Variants in TTC1 observed in about 807,000 individuals in gnomAD.
The protein encoded by TTC1 is tetratricopeptide repeat domain 1.
TTC1 carries 31 observed loss-of-function variants against 37.6 expected under a neutral mutation model. The ratio of observed to expected loss-of-function variants is 0.82; its 90% confidence interval spans 0.62 to 1.11. The LOEUF (loss-of-function observed/expected upper bound fraction) is 1.11. TTC1 is among the 50% of genes most tolerant of loss of function. The probability of loss-of-function intolerance (pLI) is 0.00; values close to 1 mark genes in which losing one functional copy is unlikely to be tolerated. For missense variants in TTC1, 351 were observed against 339.0 expected, an observed-to-expected ratio of 1.04 and a Z score of -0.28; for synonymous variants, 127 against 122.4, an observed-to-expected ratio of 1.04 and a Z score of -0.25.
chr5:160,052,553 A>AAAC (rs1003799258), intron 7 of TTC1, among the ~76,000 whole-genome samples: 1 of 130,704 alleles, frequency 7.7e-6, no homozygotes, highest in Non-Finnish European at 1.7e-5. Flanking sequence ...TTTAGCAAAA[A>AAAC]AAAAAAAAAA....
At chr5:160,039,579 A>AT in intron 4 of TTC1, among the ~76,000 whole-genome samples, 2 of 152,310 alleles carry the variant, frequency 1.3e-5, no homozygotes, top group Middle Eastern at 6.8e-3. Context: ...AGTTTCTGCA[A>AT]TAAAATTCCA....
chr5:160,042,441 G>A (rs1231509608), intron 4 of TTC1, among the ~76,000 whole-genome samples: 4 of 152,044 alleles, frequency 2.6e-5, no homozygotes, highest in African/African-American at 7.2e-5. Context: ...AGTCTACCCC[G>A]CTCCTATTTT....
chr5:160,049,013 G>A (rs904030636), intron 5 of TTC1, among the ~76,000 whole-genome samples: 1 of 152,076 alleles, frequency 6.6e-6, no homozygotes, highest in Non-Finnish European at 1.5e-5. Context: ...GCCTGTCCTG[G>A]ACTGGGTAAA....
At chr5:160,052,576 T>TAAA (rs1757434270) in intron 7 of TTC1, among the ~76,000 whole-genome samples, 1 of 66,376 alleles carries the variant, frequency 1.5e-5, no homozygotes, top group Admixed American at 1.3e-4. Context: ...AAAAAAAAAC[T>TAAA]GTTTGCATTT....
At chr5:160,012,882 A>G (rs893586136) in intron 2 of TTC1, among the ~76,000 whole-genome samples, 2 of 152,138 alleles carry the variant, frequency 1.3e-5, no homozygotes, top group African/African-American at 4.8e-5. Flanking sequence ...CAGAAACTCC[A>G]TTTGTGTGCT....
chr5:160,058,806 AC>A (rs1195389063), intron 7 of TTC1, among the ~76,000 whole-genome samples: 2 of 152,152 alleles, frequency 1.3e-5, no homozygotes, highest in Non-Finnish European at 2.9e-5. Context: ...AGGTTTGAAA[AC>A]AACTTTAATC....
chr5:160,034,914 A>G (rs946916903), intron 2 of TTC1, among the ~76,000 whole-genome samples: 1 of 152,202 alleles, frequency 6.6e-6, no homozygotes, highest in African/African-American at 2.4e-5. Context: ...ACATGCCAAG[A>G]AGACCTACAT....
rs1753573488 is a variant in TTC1, at chr5:160,065,325, G to A, written c.*260G>A. ...CCCGATTCTGGCTGTCCTATGTCCA[G>A]GAAGAAGCCCATTTGTTGAGGCTGA... On this transcript the variant is annotated 3_prime_UTR_variant, in exon 8 of 8. Transcript: ENST00000231238. 1 of 594,094 alleles carries A rather than the reference G, an allele frequency of 1.7e-6. No individual in the cohort carries two copies. The highest frequency in any genetic ancestry group is 3.1e-6 in the Non-Finnish European group (1 of 319,658). The allele number at this position is 594,094 out of a possible 1,614,324, so 36.8% of individuals were successfully genotyped here.
At chr5:160,055,064 T>C (rs1234507600) in intron 7 of TTC1, among the ~76,000 whole-genome samples, 5 of 152,174 alleles carry the variant, frequency 3.3e-5, no homozygotes, top group African/African-American at 4.8e-5. Flanking sequence ...TCATTATTTA[T>C]GGCAGCCATG....
intron 2 of TTC1, among the ~76,000 whole-genome samples, chr5:160,033,349 T>C (rs190454433): frequency 1.8e-4 from 27 of 152,326 alleles, no homozygotes; most frequent in African/African-American, 6.3e-4. Flanking sequence ...ACCATAAAAA[T>C]TAGATTCACT....
At chr5:160,048,125 G>GTT in intron 5 of TTC1, among the ~76,000 whole-genome samples, 1 of 60,300 alleles carries the variant, frequency 1.7e-5, no homozygotes, top group African/African-American at 6.4e-5. Context: ...CCAAGACATT[G>GTT]CTTTTTTTTT....
intron 7 of TTC1, 87 bp from the exon 8 acceptor site, chr5:160,064,845 G>A (rs1195290336): frequency 5.2e-6 from 7 of 1,353,842 alleles, no homozygotes; most frequent in Non-Finnish European, 6.1e-6. Context: ...TTTATATTTT[G>A]TACTCAGTGG....
chr5:160,063,910 G>T (rs1448281841), intron 7 of TTC1, among the ~76,000 whole-genome samples: 1 of 151,808 alleles, frequency 6.6e-6, no homozygotes, highest in Admixed American at 6.6e-5. Context: ...CCAAAGTGCT[G>T]GGAATACAGG....
At chr5:160,039,776 TATATA>T (rs1757055632) in intron 4 of TTC1, among the ~76,000 whole-genome samples, 1 of 152,222 alleles carries the variant, frequency 6.6e-6, no homozygotes, top group Non-Finnish European at 1.5e-5. Flanking sequence ...AATATTGACT[TATATA>T]AAGTTATACA....
intron 3 of TTC1, among the ~76,000 whole-genome samples, chr5:160,035,539 C>T (rs1341020608): frequency 6.6e-5 from 10 of 152,248 alleles, no homozygotes; most frequent in South Asian, 2.1e-4. Context: ...AAAGCAGAGT[C>T]GCCGCTCCTC....
At chr5:160,054,883 G>A (rs1215045332) in intron 7 of TTC1, among the ~76,000 whole-genome samples, 1 of 152,144 alleles carries the variant, frequency 6.6e-6, no homozygotes, top group African/African-American at 2.4e-5. Flanking sequence ...ACATTTAAAA[G>A]TAAAACTGAC....
At chr5:160,046,498 C>T (rs1439417207) in intron 5 of TTC1, among the ~76,000 whole-genome samples, 2 of 151,634 alleles carry the variant, frequency 1.3e-5, no homozygotes, top group Non-Finnish European at 2.9e-5. Context: ...TTTTTTTTCC[C>T]CTCTGTATTT....
At chr5:160,030,025 A>C (rs536211693) in intron 2 of TTC1, among the ~76,000 whole-genome samples, 42 of 152,276 alleles carry the variant, frequency 2.8e-4, no homozygotes, top group African/African-American at 9.1e-4. Flanking sequence ...TAACACTCCA[A>C]ATTTTTTGCA....
rs1756756841 is a variant in TTC1 at position 160,023,830 on chromosome 5, G to A, written c.331-11310G>A. On this transcript the variant is annotated intron_variant, in intron 2 of 7. Transcript: ENST00000231238. ...CTGTATCATTCTCAGAGTCTGAGCT[G>A]TCAGAGTCAGATGACTTCCAATTCT... 2.5e-6 allele frequency: 4 copies of A among 1,613,618 alleles called. No homozygotes were observed. The African/African-American group carries it at 4.0e-5, about 16-fold the overall frequency.
Sources: allele counts gnomAD v4.1 joint callset (sites outside exome capture counted in the v4.1 genomes callset), GRCh38; gene constraint gnomAD v4.1.1; transcripts MANE v1.5; gene names NCBI Gene and HGNC (gene_info 2026-07-23, HGNC 2026-07-21).